The following CACNA1D variants were observed in gnomAD, a reference collection of about 807,000 sequenced individuals.
CACNA1D encodes calcium voltage-gated channel subunit alpha1 D, also known as voltage-dependent L-type calcium channel subunit alpha-1D.
Under a neutral mutation model 257.1 loss-of-function variants are expected in CACNA1D, and 55 were observed. That is an observed-to-expected ratio of 0.21 (90% confidence interval 0.17 to 0.27). The LOEUF is 0.27. CACNA1D is among the 10% of genes least tolerant of loss of function. The pLI is 1.00. For missense variants in CACNA1D, 1,876 were observed against 2,784.0 expected (o/e 0.67, Z 7.34); for synonymous variants, 980 against 1,014.9 (o/e 0.97, Z 0.65).
intron 3 of CACNA1D, among the ~76,000 whole-genome samples, chr3:53,502,052 C>CTTTTTTTTTTTTT (rs750904996): frequency 7.4e-6 from 1 of 135,376 alleles, no homozygotes. Context: ...TTTTTCTTTT[C>CTTTTTTTTTTTTT]TTTTTTTTTT....
intron 8 of CACNA1D, among the ~76,000 whole-genome samples, chr3:53,691,165 G>GTT (rs2094515903): frequency 1.4e-5 from 2 of 146,060 alleles, no homozygotes; most frequent in African/African-American, 5.4e-5. Flanking sequence ...TTTTTTTTGG[G>GTT]GGGGAGATGG....
At chr3:53,740,140 C>T (rs2095101748) in intron 20 of CACNA1D, 140 bp from the exon 21 acceptor site, 2 of 759,606 alleles carry the variant, frequency 2.6e-6, no homozygotes, top group Admixed American at 3.5e-5. Flanking sequence ...TCACCCGTGG[C>T]TCTGCACTTA....
chr3:53,520,246 A>G (rs1284503922), intron 3 of CACNA1D, among the ~76,000 whole-genome samples: 3 of 152,194 alleles, frequency 2.0e-5, no homozygotes, highest in Non-Finnish European at 4.4e-5. Context: ...GCGCCATTTT[A>G]CATTACCACC....
intron 3 of CACNA1D, among the ~76,000 whole-genome samples, chr3:53,528,439 A>C (rs190929162): frequency 1.8e-4 from 27 of 152,288 alleles, no homozygotes; most frequent in Admixed American, 1.6e-3. Flanking sequence ...CTTTGTTTTA[A>C]GTCTAAACAT....
chr3:53,577,682 A>C (rs2093061575), intron 3 of CACNA1D, among the ~76,000 whole-genome samples: 1 of 151,974 alleles, frequency 6.6e-6, no homozygotes. Context: ...AGGCATTTAC[A>C]ACAGTGTGAG....
intron 47 of CACNA1D, 86 bp downstream of exon 47, chr3:53,810,384 A>AGGGCGGCCAGGCTGTGAGCT: frequency 7.5e-7 from 1 of 1,333,202 alleles, no homozygotes; most frequent in Non-Finnish European, 1.1e-6. Flanking sequence ...CAGTGGTGGG[A>AGGGCGGCCAGGCTGTGAGCT]GGGCGGCCAG....
intron 3 of CACNA1D, among the ~76,000 whole-genome samples, chr3:53,600,947 C>T (rs543287817): frequency 2.2e-4 from 33 of 152,258 alleles, no homozygotes; most frequent in African/African-American, 7.5e-4. Flanking sequence ...GCGGTGAGTC[C>T]ATTGTGTTTT....
chr3:53,799,227 C>T (rs922573348), intron 40 of CACNA1D, among the ~76,000 whole-genome samples: 6 of 152,324 alleles, frequency 3.9e-5, no homozygotes, highest in Non-Finnish European at 7.3e-5. Context: ...ATAAAGTTGC[C>T]ATACAGTCCC....
intron 9 of CACNA1D, among the ~76,000 whole-genome samples, chr3:53,704,975 T>C (rs1189039151): frequency 6.6e-6 from 1 of 152,204 alleles, no homozygotes; most frequent in Non-Finnish European, 1.5e-5. Context: ...TTCATTGGAT[T>C]TAAGGTGATA....
intron 8 of CACNA1D, among the ~76,000 whole-genome samples, chr3:53,696,724 A>G (rs1030422757): frequency 1.3e-5 from 2 of 152,178 alleles, no homozygotes; most frequent in African/African-American, 4.8e-5. Flanking sequence ...GGAATTCTGT[A>G]GACAAAAGCT....
At chr3:53,677,245 G>T (rs1040791568) in intron 8 of CACNA1D, among the ~76,000 whole-genome samples, 2 of 152,066 alleles carry the variant, frequency 1.3e-5, no homozygotes, top group Admixed American at 6.6e-5. Context: ...GATGGGGGAC[G>T]CCCTAGGCTC....
intron 39 of CACNA1D, chr3:53,786,576 A>C (rs1469021964): frequency 5.9e-6 from 3 of 512,174 alleles, no homozygotes; most frequent in African/African-American, 5.8e-5. Context: ...CAAATATATT[A>C]TTTTCTGCAA....
At chr3:53,532,107 A>G (rs2091971027) in intron 3 of CACNA1D, among the ~76,000 whole-genome samples, 1 of 152,190 alleles carries the variant, frequency 6.6e-6, no homozygotes. Flanking sequence ...TTGTATGCCT[A>G]TTTCTACTGA....
intron 3 of CACNA1D, among the ~76,000 whole-genome samples, chr3:53,519,224 A>G (rs1167410475): frequency 6.6e-6 from 1 of 152,238 alleles, no homozygotes; most frequent in Non-Finnish European, 1.5e-5. Context: ...TAGAAGTCAC[A>G]GCTGTCATTC....
intron 3 of CACNA1D, among the ~76,000 whole-genome samples, chr3:53,586,774 G>A (rs2093224945): frequency 6.6e-6 from 1 of 152,134 alleles, no homozygotes; most frequent in East Asian, 1.9e-4. Context: ...TAGCCCCCTG[G>A]AAAACAACTG....
chr3:53,783,408 T>A lies in CACNA1D; in HGVS notation c.4792+1741T>A, dbSNP rs531651730. ...ACTTCTAGTAGAGTAGAAATCTTCT[T>A]CTTTCTTGGTCCAATAACTGGACCT... On this transcript the variant is annotated intron_variant, in intron 39 of 47. Transcript: ENST00000350061. Among the ~76,000 whole-genome samples, 22 of 152,376 alleles carry A rather than the reference T, an allele frequency of 1.4e-4. No homozygotes were observed. The South Asian group carries it at 4.6e-3, about 32-fold the overall frequency.
intron 3 of CACNA1D, among the ~76,000 whole-genome samples, chr3:53,503,370 G>T (rs2107147767): frequency 6.6e-6 from 1 of 152,300 alleles, no homozygotes; most frequent in South Asian, 2.1e-4. Context: ...AAGCAGAAGT[G>T]GTGGAAAGCC....
Position 53,793,102 on chromosome 3 carries a change from C to T in CACNA1D, c.4923+6150C>T, listed in dbSNP as rs377496698. ...AAGCACAGCTGCACCTGGTATCAACCGCTGTTACCCTAGCACCTGAGTCTC... is the reference window on the plus strand; with the variant it reads ...AAGCACAGCTGCACCTGGTATCAACTGCTGTTACCCTAGCACCTGAGTCTC... On this transcript the variant is annotated intron_variant, in intron 40 of 47. Transcript: ENST00000350061. The surrounding 1 kb of genome is among the most constrained non-coding windows in gnomAD (Gnocchi z 4.1). Among the ~76,000 whole-genome samples the T allele has an allele frequency of 5.9e-5, 9 of 152,164 alleles. No individual in the cohort carries two copies. Among genetic ancestry groups the T allele is most frequent in the South Asian group, 4.1e-4 (2 of 4,830 alleles).
intron 4 of CACNA1D, among the ~76,000 whole-genome samples, chr3:53,651,366 C>CTTATTTTTTTTTTTTTTTTTTT (rs2094091557): frequency 1.2e-5 from 1 of 81,836 alleles, no homozygotes; most frequent in African/African-American, 4.4e-5. Flanking sequence ...TATTAATTTT[C>CTTATTTTTTTTTTTTTTTTTTT]TTTTTTTTTT....
Sources: gnomAD v4.1 joint callset for allele counts (sites outside exome capture counted in the v4.1 genomes callset) on GRCh38, gnomAD v4.1.1 for gene constraint, Gnocchi (gnomAD v3.1) non-coding constraint, MANE v1.5 for transcripts, NCBI Gene and HGNC (gene_info 2026-07-23, HGNC 2026-07-21) for gene names.